ARHGAP31: variants seen among roughly 807,000 people sequenced by gnomAD.
ARHGAP31 encodes Rho GTPase activating protein 31, also known as rho GTPase-activating protein 31.
A neutral mutation model predicts 113.9 loss-of-function variants in ARHGAP31; 34 were observed. The ratio of observed to expected loss-of-function variants is 0.30; its 90% CI spans 0.23 to 0.40. The LOEUF is 0.40. Among genes scored for constraint, ARHGAP31 ranks in the 10% least tolerant of loss-of-function variants. The pLI, the probability that ARHGAP31 is intolerant of heterozygous loss-of-function variation, is 1.00. For missense variants in ARHGAP31, 1,548 were observed against 1,767.1 expected (o/e 0.88, Z 2.22); for synonymous variants, 650 against 684.8 (o/e 0.95, Z 0.79).
intron 6 of ARHGAP31, among the ~76,000 whole-genome samples, chr3:119,385,374 G>T (rs1411591826): frequency 1.3e-5 from 2 of 151,952 alleles, no homozygotes; most frequent in Admixed American, 6.6e-5. Flanking sequence ...GGTTGTTTCT[G>T]CTTTTTGTGA....
At chr3:119,376,805 T>A (rs2080353090) in intron 3 of ARHGAP31, among the ~76,000 whole-genome samples, 1 of 151,258 alleles carries the variant, frequency 6.6e-6, no homozygotes, top group Non-Finnish European at 1.5e-5. Context: ...AACTAACACC[T>A]TGCAACAGGC....
intron 1 of ARHGAP31, 124 bp from the exon 2 acceptor site, chr3:119,365,191 TG>T (rs1239264000): frequency 1.3e-6 from 1 of 754,462 alleles, no homozygotes; most frequent in Non-Finnish European, 2.3e-6. Flanking sequence ...TGTTTCCACT[TG>T]TAAGTCATAT....
At chr3:119,309,554 A>G (rs1440310310) in intron 1 of ARHGAP31, among the ~76,000 whole-genome samples, 2 of 152,068 alleles carry the variant, frequency 1.3e-5, no homozygotes, top group East Asian at 1.9e-4. Context: ...CAGAAGTTCA[A>G]GACCGGCCTG....
chr3:119,397,339 C>T lies in ARHGAP31; in HGVS notation c.1007-1860C>T, dbSNP rs562362647. Among the ~76,000 whole-genome samples the T allele has an allele frequency of 2.6e-5, 4 of 152,326 alleles. No individual in the cohort carries two copies. The South Asian group carries it at 8.3e-4, about 32-fold the overall frequency. On this transcript the variant is annotated intron_variant, in intron 8 of 11. Transcript: ENST00000264245. ...ACCTACAGACAGAGCTGCTACCCGG[C>T]CTCTGTGACACAGTCAGGGGCGCCT...
intron 1 of ARHGAP31, among the ~76,000 whole-genome samples, chr3:119,338,170 A>C (rs1221511052): frequency 1.3e-5 from 2 of 152,192 alleles, no homozygotes; most frequent in African/African-American, 4.8e-5. Context: ...CCTTTAATAA[A>C]TATTGTATCA....
At chr3:119,317,608 A>G (rs996074544) in intron 1 of ARHGAP31, among the ~76,000 whole-genome samples, 2 of 152,184 alleles carry the variant, frequency 1.3e-5, no homozygotes, top group African/African-American at 4.8e-5. Flanking sequence ...AATATTTTTT[A>G]TGTGAACACT....
At chr3:119,341,225 A>G (rs980997888) in intron 1 of ARHGAP31, among the ~76,000 whole-genome samples, 1 of 152,220 alleles carries the variant, frequency 6.6e-6, no homozygotes, top group Non-Finnish European at 1.5e-5. Context: ...AGAGTTAGAC[A>G]GATGGTCCTA....
At chr3:119,329,692 G>A (rs1380226399) in intron 1 of ARHGAP31, 8 of 612,408 alleles carry the variant, frequency 1.3e-5, no homozygotes, top group Non-Finnish European at 1.4e-5. Flanking sequence ...GGTTACAGTG[G>A]GGAACTTCGA....
chr3:119,327,822 T>C (rs1037736436), intron 1 of ARHGAP31, among the ~76,000 whole-genome samples: 5 of 152,256 alleles, frequency 3.3e-5, no homozygotes, highest in Non-Finnish European at 1.5e-5. Flanking sequence ...CAATTATTTG[T>C]TGAATGAATG....
intron 1 of ARHGAP31, among the ~76,000 whole-genome samples, chr3:119,362,085 G>C (rs2080211534): frequency 6.6e-6 from 1 of 152,212 alleles, no homozygotes; most frequent in Non-Finnish European, 1.5e-5. Flanking sequence ...GCAGCTGAGA[G>C]CTATGGTACT....
chr3:119,357,141 T>A (rs2080165476), intron 1 of ARHGAP31, among the ~76,000 whole-genome samples: 1 of 152,188 alleles, frequency 6.6e-6, no homozygotes, highest in Admixed American at 6.5e-5. Context: ...GGAATTGAAT[T>A]TAGATAATTC....
chr3:119,381,230 G>C (rs1207981149), intron 4 of ARHGAP31, among the ~76,000 whole-genome samples: 1 of 152,120 alleles, frequency 6.6e-6, no homozygotes. Flanking sequence ...GAATCTCTCA[G>C]GAAGTCATTC....
chr3:119,415,083 C>T lies in ARHGAP31; in HGVS notation c.3154C>T (p.His1052Tyr). The T allele has an allele frequency of 6.2e-7, 1 of 1,614,102 alleles. No homozygotes were observed. ...AAAGGAGCTAGGGACACACCTGGGG[C>T]ACAGCAGTCCACAGATTAGGCAAGG... ...EGKELGTHLG[H>Y]SSPQIRQGGV... The change falls in exon 12 of 12, where the codon CAC (histidine) becomes TAC (tyrosine). Residue 1052 changes from histidine (H) to tyrosine (Y), a missense_variant. His to Tyr is a moderately conservative substitution (Grantham distance 83, BLOSUM62 2). Coordinates refer to ENST00000264245, the MANE Select transcript of ARHGAP31 (RefSeq NM_020754.4).
In ARHGAP31 at chr3:119,419,223, A is replaced by G. The variant is rs2080803357; in HGVS notation, c.*2959A>G. 6.6e-6 allele frequency: 1 copy of G among 152,198 alleles called. No individual in the cohort carries two copies. The highest frequency in any genetic ancestry group is 2.4e-5 in the African/African-American group (1 of 41,442). The allele number at this position is 152,198 out of a possible 1,614,324, so 9.4% of individuals were successfully genotyped here. A position where few individuals can be genotyped will look rare whatever the true frequency, so the allele number is the denominator to read the frequency against. ...TCTCAAGGGCTCCTTCAAATCAGCT[A>G]TCAGTCCTCAAAATGGGGGTTGCTG... is the stretch of plus-strand genomic sequence containing the variant. On this transcript the variant is annotated 3_prime_UTR_variant, in exon 12 of 12. Transcript: ENST00000264245.
In ARHGAP31 at chr3:119,370,592, ACACT is replaced by A. The variant is rs1375640735; in HGVS notation, c.348+2080_348+2083del. Among the ~76,000 whole-genome samples the A allele has an allele frequency of 6.6e-5, 10 of 152,248 alleles. No individual in the cohort carries two copies. In the East Asian group the frequency reaches 9.6e-4, roughly 15 times the overall value. The stretch of plus-strand genomic sequence containing the variant: ...GATGTTAACAGATCTCAACACACAC[ACACT>A]CACACACACTCACTTGTCAGTACTA... On this transcript the variant is annotated intron_variant, in intron 3 of 11. Coordinates refer to ENST00000264245, the MANE Select transcript of ARHGAP31 (RefSeq NM_020754.4).
chr3:119,336,320 G>T (rs781231098), intron 1 of ARHGAP31, among the ~76,000 whole-genome samples: 5 of 152,028 alleles, frequency 3.3e-5, no homozygotes, highest in Admixed American at 6.5e-5. Context: ...AAAATTTCTT[G>T]TAAGTCCCAA....
chr3:119,420,192 G>A lies in ARHGAP31; in HGVS notation c.*3928G>A, dbSNP rs1395474604. 1 of 152,234 alleles carries A rather than the reference G, an allele frequency of 6.6e-6. No individual in the cohort carries two copies. The highest frequency in any genetic ancestry group is 1.9e-4 in the East Asian group (1 of 5,204). 9.4% of individuals were successfully genotyped at this position (152,234 alleles called of 1,614,324 possible). ...TTAGAGTGGGAGAAGTTCTCAGTAAGTCCAGTCCCACCAGGATTTATTTGG... is the reference window on the plus strand; with the variant it reads ...TTAGAGTGGGAGAAGTTCTCAGTAAATCCAGTCCCACCAGGATTTATTTGG... On this transcript the variant is annotated 3_prime_UTR_variant, in exon 12 of 12. Transcript: ENST00000264245.
chr3:119,382,548 AT>A, intron 5 of ARHGAP31, 149 bp downstream of exon 5: 1 of 739,148 alleles, frequency 1.4e-6, no homozygotes, highest in Non-Finnish European at 2.2e-6. Flanking sequence ...ATTAAAGGTG[AT>A]TTAGGTGATA....
At chr3:119,409,840 C>A in intron 11 of ARHGAP31, 64 bp downstream of exon 11, 2 of 1,483,580 alleles carry the variant, frequency 1.3e-6, no homozygotes, top group Non-Finnish European at 1.8e-6. Context: ...GCTCTTGGTA[C>A]AATTTAAAGT....
Sources: allele counts gnomAD v4.1 joint callset (sites outside exome capture counted in the v4.1 genomes callset), GRCh38; gene constraint gnomAD v4.1.1; transcripts MANE v1.5; gene names NCBI Gene and HGNC (gene_info 2026-07-23, HGNC 2026-07-21).